TNRC6B: variants seen among roughly 807,000 people sequenced by gnomAD.
TNRC6B encodes trinucleotide repeat containing adaptor 6B, also known as trinucleotide repeat-containing gene 6B protein.
Under a neutral mutation model 203.6 loss-of-function variants are expected in TNRC6B, and 52 were observed. That is an observed-to-expected ratio of 0.26 (90% CI 0.20 to 0.32). The LOEUF (loss-of-function observed/expected upper bound fraction) is 0.32. Ranked by LOEUF, TNRC6B falls within the 10% of genes least tolerant of loss-of-function variation. TNRC6B has a pLI of 1.00. For synonymous variants in TNRC6B, 838 were observed against 845.7 expected (o/e 0.99, Z 0.16); for missense variants, 1,923 against 2,286.2 (o/e 0.84, Z 3.24).
At chr22:40,256,677 A>T (rs535994814) in intron 3 of TNRC6B, among the ~76,000 whole-genome samples, 1 of 152,268 alleles carries the variant, frequency 6.6e-6, no homozygotes, top group African/African-American at 2.4e-5. Context: ...TGTGATGAAG[A>T]CCATATGGCC....
intron 1 of TNRC6B, 145 bp downstream of exon 1, chr22:40,178,285 G>C (rs1047520941): frequency 5.7e-6 from 5 of 879,650 alleles, no homozygotes; most frequent in African/African-American, 1.7e-5. Flanking sequence ...AATCAGACCC[G>C]TGATGTACTT....
intron 2 of TNRC6B, among the ~76,000 whole-genome samples, chr22:40,120,675 A>G (rs899286569): frequency 3.5e-4 from 54 of 152,204 alleles, no homozygotes; most frequent in African/African-American, 1.2e-3. Context: ...GTATCCAATA[A>G]GTAATATTCT....
At chr22:40,145,389 T>G (rs1241620285) in intron 3 of TNRC6B, among the ~76,000 whole-genome samples, 2 of 152,246 alleles carry the variant, frequency 1.3e-5, no homozygotes, top group Non-Finnish European at 2.9e-5. Flanking sequence ...TGAGACCATG[T>G]TAAATATTGA....
chr22:40,308,119 C>T (rs902011803), intron 15 of TNRC6B, among the ~76,000 whole-genome samples: 7 of 152,142 alleles, frequency 4.6e-5, no homozygotes, highest in South Asian at 4.1e-4. Flanking sequence ...TCTGCAAACC[C>T]TTTCCTCCCC....
chr22:40,153,475 T>C (rs2068778780), intron 3 of TNRC6B, among the ~76,000 whole-genome samples: 1 of 151,462 alleles, frequency 6.6e-6, no homozygotes, highest in Non-Finnish European at 1.5e-5. Flanking sequence ...TTGAACTGAT[T>C]AAGAGGAGAT....
At chr22:40,144,143 TAAAGAACTGTTTCA>T (rs1170834522) in intron 3 of TNRC6B, among the ~76,000 whole-genome samples, 4 of 152,246 alleles carry the variant, frequency 2.6e-5, no homozygotes, top group African/African-American at 7.2e-5. Context: ...TACAGCCACT[TAAAGAACTGTTTCA>T]TAAGCTTCTA....
intron 12 of TNRC6B, among the ~76,000 whole-genome samples, chr22:40,295,177 G>A (rs2070922011): frequency 1.3e-5 from 2 of 152,062 alleles, no homozygotes; most frequent in Admixed American, 1.3e-4. Context: ...GACTAGAAGA[G>A]TGTCAAAGAA....
At chr22:40,215,284 A>ATT (rs138018) in intron 1 of TNRC6B, among the ~76,000 whole-genome samples, 2 of 151,880 alleles carry the variant, frequency 1.3e-5, no homozygotes, top group Non-Finnish European at 2.9e-5. Context: ...TGCTAGCTAC[A>ATT]TTTTTCATGT....
At chr22:40,145,067 C>CAA (rs768152120) in intron 3 of TNRC6B, among the ~76,000 whole-genome samples, 17,300 of 95,722 alleles carry the variant, frequency 0.18, 1,398 homozygotes, top group South Asian at 0.23. Context: ...TCTAGCTCCA[C>CAA]AAAAAAAAAA....
In TNRC6B at chr22:40,334,713, G is replaced by A. The variant is rs1371956817; in HGVS notation, c.*11472G>A. On this transcript the variant is annotated 3_prime_UTR_variant, in exon 23 of 23. Coordinates refer to ENST00000454349, the MANE Select transcript of TNRC6B (RefSeq NM_001162501.2). ...GAGTCACTTCACAGAGACGCAGGAGGACCTGGGGGGCGTAGCAGAGGAGGA... is the reference window on the plus strand; with the variant it reads ...GAGTCACTTCACAGAGACGCAGGAGAACCTGGGGGGCGTAGCAGAGGAGGA... 1 of 152,606 alleles carries A rather than the reference G, an allele frequency of 6.6e-6. No homozygotes were observed. The highest frequency in any genetic ancestry group is 2.4e-5 in the African/African-American group (1 of 41,440). The allele number at this position is 152,606 out of a possible 1,614,324, so 9.5% of individuals were successfully genotyped here.
chr22:40,315,832 A>T (rs909248880), intron 20 of TNRC6B, 110 bp from the exon 21 acceptor site: 1 of 873,488 alleles, frequency 1.1e-6, no homozygotes. Context: ...GGAAAAGAGA[A>T]TTTATAAAAG....
chr22:40,062,546 G>T (rs954374287), intron 1 of TNRC6B, among the ~76,000 whole-genome samples: 4 of 152,012 alleles, frequency 2.6e-5, no homozygotes, highest in African/African-American at 9.7e-5. Context: ...ACCATTTGAC[G>T]AACAACCAGA....
rs1316676241 is a variant in TNRC6B at position 40,326,160 on chromosome 22, C to T, written c.*2919C>T. ...ATTTGTTTTCCTGCTTTAAAATTTG[C>T]AAGCATTCTCAGGAATTCTAGGGTA... On this transcript the variant is annotated 3_prime_UTR_variant, in exon 23 of 23. Coordinates refer to ENST00000454349, the MANE Select transcript of TNRC6B (RefSeq NM_001162501.2). The T allele has an allele frequency of 6.6e-6, 1 of 152,396 alleles. No homozygotes were observed. Among genetic ancestry groups the T allele is most frequent in the Non-Finnish European group, 1.5e-5 (1 of 67,990 alleles). 9.4% of individuals were successfully genotyped at this position (152,396 alleles called of 1,614,324 possible). A position where few individuals can be genotyped will look rare whatever the true frequency, so the allele number is the denominator to read the frequency against.
At chr22:40,299,176 A>G (rs1830550519) in intron 12 of TNRC6B, among the ~76,000 whole-genome samples, 2 of 151,006 alleles carry the variant, frequency 1.3e-5, no homozygotes, top group African/African-American at 4.9e-5. Flanking sequence ...AAAAAAAAAC[A>G]AAACTGGGGA....
At chr22:40,183,490 T>C (rs1288182349) in intron 1 of TNRC6B, among the ~76,000 whole-genome samples, 1 of 152,194 alleles carries the variant, frequency 6.6e-6, no homozygotes, top group Non-Finnish European at 1.5e-5. Context: ...CTTCAGGCTG[T>C]GCCTCTGTGT....
At chr22:40,124,155 C>A (rs2068467772) in intron 2 of TNRC6B, among the ~76,000 whole-genome samples, 1 of 151,994 alleles carries the variant, frequency 6.6e-6, no homozygotes. Flanking sequence ...TTTTGGTAAC[C>A]CCTTCCCACC....
At chr22:40,148,433 G>GCA (rs2068714751) in intron 3 of TNRC6B, among the ~76,000 whole-genome samples, 1 of 151,896 alleles carries the variant, frequency 6.6e-6, no homozygotes. Flanking sequence ...ACAGGCGCCT[G>GCA]CCACCACGCC....
intron 1 of TNRC6B, among the ~76,000 whole-genome samples, chr22:40,102,328 G>T (rs2068247605): frequency 6.6e-6 from 1 of 152,138 alleles, no homozygotes; most frequent in African/African-American, 2.4e-5. Flanking sequence ...GTGAAAGCCT[G>T]CTTATCAGGA....
chr22:40,089,232 CT>C (rs982347634), intron 1 of TNRC6B, among the ~76,000 whole-genome samples: 36 of 151,378 alleles, frequency 2.4e-4, no homozygotes, highest in Admixed American at 1.4e-3. Context: ...TCTTCATAGA[CT>C]TTTTTTTTCT....
Sources: gnomAD v4.1 joint callset for allele counts (sites outside exome capture counted in the v4.1 genomes callset) on GRCh38, gnomAD v4.1.1 for gene constraint, MANE v1.5 for transcripts, NCBI Gene and HGNC (gene_info 2026-07-23, HGNC 2026-07-21) for gene names.